Variants in LYST observed in about 807,000 individuals in gnomAD.
LYST encodes lysosomal-trafficking regulator.
A neutral mutation model predicts 413.6 loss-of-function variants in LYST; 192 were observed. The observed-to-expected ratio is 0.46, with a 90% CI of 0.41 to 0.52. The LOEUF is 0.52. Ranked by LOEUF, LYST falls within the 20% of genes least tolerant of loss-of-function variation. The pLI, the probability that LYST is intolerant of heterozygous loss-of-function variation, is 0.00. For missense variants in LYST, 3,815 were observed against 4,499.9 expected (o/e 0.85, Z 4.35); for synonymous variants, 1,525 against 1,567.3 (o/e 0.97, Z 0.64).
At chr1:235,729,490 A>G in intron 37 of LYST, 106 bp downstream of exon 37, 3 of 776,466 alleles carry the variant, frequency 3.9e-6, no homozygotes, top group East Asian at 2.6e-5. Context: ...GATACTACAG[A>G]AAGTTTATCC....
At chr1:235,737,940 C>G in intron 31 of LYST, 1 of 1,199,868 alleles carries the variant, frequency 8.3e-7, no homozygotes. Flanking sequence ...TGCCGCGTGC[C>G]CCAACACCCG....
intron 46 of LYST, 37 bp downstream of exon 46, chr1:235,697,046 A>G (rs1661165742): frequency 6.3e-7 from 1 of 1,577,710 alleles, no homozygotes; most frequent in Non-Finnish European, 8.7e-7. Context: ...CTCACGAAAG[A>G]TATATCCAGA....
intron 50 of LYST, among the ~76,000 whole-genome samples, chr1:235,670,943 AAT>A (rs1481335859): frequency 6.6e-6 from 1 of 152,234 alleles, no homozygotes; most frequent in African/African-American, 2.4e-5. Flanking sequence ...CAAAGCAGAT[AAT>A]ATGATTCCCT....
intron 52 of LYST, among the ~76,000 whole-genome samples, chr1:235,663,742 C>T (rs1218480536): frequency 6.6e-6 from 1 of 152,174 alleles, no homozygotes; most frequent in African/African-American, 2.4e-5. Context: ...TCCAGAGACA[C>T]ACTACAAGCA....
chr1:235,695,629 A>ATTTTTTTTTTTTTTTTT (rs148101450), intron 46 of LYST, among the ~76,000 whole-genome samples: 2 of 116,418 alleles, frequency 1.7e-5, no homozygotes, highest in African/African-American at 6.8e-5. Context: ...CAGTACTCTA[A>ATTTTTTTTTTTTTTTTT]TTTTTTTTTT....
At chr1:235,663,806 C>G (rs1658217875) in intron 52 of LYST, among the ~76,000 whole-genome samples, 178 bp downstream of exon 52, 1 of 152,198 alleles carries the variant, frequency 6.6e-6, no homozygotes, top group Non-Finnish European at 1.5e-5. Flanking sequence ...TCCATGAAGA[C>G]AAGGAGTGTG....
At chr1:235,771,578 C>T (rs1267974291) in intron 19 of LYST, among the ~76,000 whole-genome samples, 2 of 118,916 alleles carry the variant, frequency 1.7e-5, no homozygotes, top group East Asian at 3.9e-4. Flanking sequence ...CAATATTACA[C>T]ATATTTTAAT....
chr1:235,854,646 C>A lies in LYST; in HGVS notation c.-98+12197G>T, dbSNP rs114113623. ...TTCATAAGAGTAGCTGTAGTTGTTG[C>A]GAATATCAACATTAAACGAGATAAT... is the stretch of plus-strand genomic sequence containing the variant. On this transcript the variant is annotated intron_variant, in intron 1 of 52. Coordinates refer to ENST00000389793, the MANE Select transcript of LYST (RefSeq NM_000081.4). This position sits in a 1 kb window ranked among gnomAD's most constrained non-coding sequence, Gnocchi z 4.1. Among the ~76,000 whole-genome samples, 1 of 152,082 alleles carries A rather than the reference C, an allele frequency of 6.6e-6. No homozygotes were observed. The highest frequency in any genetic ancestry group is 1.5e-5 in the Non-Finnish European group (1 of 68,020).
chr1:235,861,136 C>T (rs1197533963), intron 1 of LYST, among the ~76,000 whole-genome samples: 2 of 152,028 alleles, frequency 1.3e-5, no homozygotes, highest in Non-Finnish European at 2.9e-5. Flanking sequence ...TAGTACTCTA[C>T]CCTATTGTTC....
Position 235,781,411 on chromosome 1 carries a change from A to C in LYST, c.5024-356T>G, listed in dbSNP as rs182305277. Among the ~76,000 whole-genome samples, 651 of 152,270 alleles carry C rather than the reference A, an allele frequency of 4.3e-3. 2 individuals are homozygous for C. Among genetic ancestry groups the C allele is most frequent in the Non-Finnish European group, 7.1e-3 (483 of 68,002 alleles). On this transcript the variant is annotated intron_variant, in intron 15 of 52. Transcript: ENST00000389793. ...AAACTCCATTTCTAACTAAAATTTG[A>C]ATCAATATCTTTATTCCTTCCTATT...
intron 2 of LYST, 33 bp from the exon 3 acceptor site, chr1:235,830,457 AGG>A: frequency 6.8e-7 from 1 of 1,466,198 alleles, no homozygotes; most frequent in Non-Finnish European, 9.4e-7. Flanking sequence ...AAAAAAGATT[AGG>A]AAAACAAATA....
rs1424406666 is a variant in LYST at position 235,866,843 on chromosome 1, C to T, written c.-98G>A. The T allele has an allele frequency of 6.5e-6, 1 of 153,194 alleles. No individual in the cohort carries two copies. The highest frequency in any genetic ancestry group is 1.5e-5 in the Non-Finnish European group (1 of 68,204). The allele number at this position is 153,194 out of a possible 1,614,324, so 9.5% of individuals were successfully genotyped here. A position where few individuals can be genotyped will look rare whatever the true frequency, so the allele number is the denominator to read the frequency against. On this transcript the variant is annotated splice_region_variant and 5_prime_UTR_variant, in exon 1 of 53. Coordinates refer to ENST00000389793, the MANE Select transcript of LYST (RefSeq NM_000081.4). The stretch of plus-strand genomic sequence containing the variant: ...GTCGGCGCCCGGCGGCCGCCTTTAC[C>T]TGGTTTGTGGCAGCTGCGGCCGCCG...
chr1:235,700,220 G>A (rs1036272382), intron 45 of LYST, among the ~76,000 whole-genome samples: 1 of 152,134 alleles, frequency 6.6e-6, no homozygotes, highest in Non-Finnish European at 1.5e-5. Flanking sequence ...TGCAATAAGA[G>A]CCAAAATTGA....
intron 37 of LYST, among the ~76,000 whole-genome samples, chr1:235,729,158 T>C (rs913002643): frequency 3.3e-5 from 5 of 152,208 alleles, no homozygotes; most frequent in Non-Finnish European, 7.3e-5. Context: ...TATATAGGTA[T>C]CTATGGACTA....
chr1:235,766,357 T>C, intron 20 of LYST, 80 bp from the exon 21 acceptor site: 2 of 1,018,720 alleles, frequency 2.0e-6, no homozygotes, highest in Non-Finnish European at 3.0e-6. Flanking sequence ...CAAAATATTC[T>C]TTTTAAGATA....
chr1:235,753,219 G>A lies in LYST; in HGVS notation c.7285C>T (p.Pro2429Ser). The change falls in exon 26 of 53, where the codon CCT becomes TCT. Residue 2429 changes from proline (P) to serine (S), a missense_variant. Coordinates refer to ENST00000389793, the MANE Select transcript of LYST (RefSeq NM_000081.4). Reference sequence around the variant, plus strand: ...GAGGTCTCTATTAGTCCCAGAATAGGAATGACAGACCACTTCTGAAACAAT... The same window carrying A: ...GAGGTCTCTATTAGTCCCAGAATAGAAATGACAGACCACTTCTGAAACAAT... ...MGLFQKWSVI[P>S]ILGLIETSLY... The A allele has an allele frequency of 6.2e-7, 1 of 1,610,854 alleles. No individual in the cohort carries two copies. The highest frequency in any genetic ancestry group is 1.1e-5 in the South Asian group (1 of 90,970).
At chr1:235,667,855 G>A (rs1658622336) in intron 50 of LYST, among the ~76,000 whole-genome samples, 1 of 151,830 alleles carries the variant, frequency 6.6e-6, no homozygotes, top group Non-Finnish European at 1.5e-5. Context: ...GTAGAGATGG[G>A]GTTTCACTGT....
chr1:235,746,666 G>T, intron 28 of LYST, 139 bp from the exon 29 acceptor site: 1 of 691,122 alleles, frequency 1.4e-6, no homozygotes. Flanking sequence ...AAAGGAAAGA[G>T]TGATTAAGAG....
At chr1:235,770,645 A>G (rs946050382) in intron 19 of LYST, among the ~76,000 whole-genome samples, 1 of 152,220 alleles carries the variant, frequency 6.6e-6, no homozygotes, top group African/African-American at 2.4e-5. Context: ...ATTTATGTTC[A>G]AAGAGTGTTG....
Sources: allele counts gnomAD v4.1 joint callset (sites outside exome capture counted in the v4.1 genomes callset), GRCh38; gene constraint gnomAD v4.1.1; non-coding constraint Gnocchi (gnomAD v3.1); transcripts MANE v1.5; gene names NCBI Gene and HGNC (gene_info 2026-07-23, HGNC 2026-07-21).